LYST: variants seen among roughly 807,000 people sequenced by gnomAD.
LYST encodes lysosomal-trafficking regulator.
LYST carries 192 observed loss-of-function variants against 413.6 expected under a neutral mutation model. The ratio of observed to expected loss-of-function variants is 0.46; its 90% CI spans 0.41 to 0.52. The LOEUF is 0.52. LYST is among the 20% of genes least tolerant of loss of function. The pLI is 0.00. For synonymous variants in LYST, 1,525 were observed against 1,567.3 expected (o/e 0.97, Z 0.64); for missense variants, 3,815 against 4,499.9 (o/e 0.85, Z 4.35).
rs1253321617 is a variant in LYST at position 235,854,639 on chromosome 1, G to C, written c.-98+12204C>G. 6.6e-6 allele frequency among the ~76,000 whole-genome samples: 1 copy of C among 152,152 alleles called. No homozygotes were observed. The highest frequency in any genetic ancestry group is 2.4e-5 in the African/African-American group (1 of 41,430). On this transcript the variant is annotated intron_variant, in intron 1 of 52. Coordinates refer to ENST00000389793, the MANE Select transcript of LYST (RefSeq NM_000081.4). The surrounding 1 kb of genome is among the most constrained non-coding windows in gnomAD (Gnocchi z 4.1). ...AACTGAGTTCATAAGAGTAGCTGTA[G>C]TTGTTGCGAATATCAACATTAAACG...
upstream of LYST, among the ~76,000 whole-genome samples, chr1:235,871,428 A>T (rs1202991220): frequency 1.3e-5 from 2 of 152,238 alleles, no homozygotes; most frequent in Non-Finnish European, 2.9e-5. Context: ...AATGATGCTA[A>T]TAACTAATTA....
chr1:235,872,710 T>A (rs1369087315), intron 1 of LYST, among the ~76,000 whole-genome samples: 3 of 151,928 alleles, frequency 2.0e-5, no homozygotes, highest in South Asian at 2.1e-4. Flanking sequence ...AGTTCAGGAG[T>A]TCGAGACCAG....
upstream of LYST, among the ~76,000 whole-genome samples, chr1:235,870,850 T>A (rs1468163280): frequency 1.3e-5 from 2 of 152,208 alleles, no homozygotes; most frequent in African/African-American, 4.8e-5. Flanking sequence ...TTCAAATAAA[T>A]ATCCAAACAG....
At chr1:235,768,000 G>A (rs1426801217) in intron 20 of LYST, among the ~76,000 whole-genome samples, 1 of 151,892 alleles carries the variant, frequency 6.6e-6, no homozygotes, top group Non-Finnish European at 1.5e-5. Flanking sequence ...TCTTTCAATA[G>A]CCCCTTTTTC....
intron 48 of LYST, among the ~76,000 whole-genome samples, chr1:235,682,125 C>T (rs1659867697): frequency 6.6e-6 from 1 of 152,082 alleles, no homozygotes; most frequent in Non-Finnish European, 1.5e-5. Context: ...GCCTGAGCAA[C>T]ATAGTGGGAG....
intron 12 of LYST, among the ~76,000 whole-genome samples, chr1:235,791,280 C>T (rs1670959163): frequency 6.7e-6 from 1 of 148,718 alleles, no homozygotes; most frequent in African/African-American, 2.5e-5. Context: ...GAAACTGTCT[C>T]AAAAAAAAAG....
In LYST at chr1:235,882,078, T is replaced by TCACACACACACACACACACACACACA. The variant is rs71174466; in HGVS notation, n.454+1083_454+1108dup. Among the ~76,000 whole-genome samples the TCACACACACACACACACACACACACA allele has an allele frequency of 4.0e-3, 582 of 145,756 alleles. 7 individuals are homozygous for TCACACACACACACACACACACACACA. Among genetic ancestry groups the TCACACACACACACACACACACACACA allele is most frequent in the African/African-American group, 0.015 (564 of 38,890 alleles). On this transcript the variant is annotated intron_variant and non_coding_transcript_variant, in intron 1 of 11. Transcript: ENST00000465349. Reference sequence around the variant, plus strand: ...CACATACACACACACACTCTTTCTTTCACACACACACACACACACACACAC... The same window carrying TCACACACACACACACACACACACACA: ...CACATACACACACACACTCTTTCTTTCACACACACACACACACACACACACACACACACACACACACACACACACAC...
intron 16 of LYST, among the ~76,000 whole-genome samples, chr1:235,777,824 C>G (rs1010040578): frequency 3.3e-5 from 5 of 152,062 alleles, no homozygotes; most frequent in African/African-American, 1.2e-4. Context: ...AATAGAACTT[C>G]AAATATTTCT....
upstream of LYST, among the ~76,000 whole-genome samples, chr1:235,870,811 T>G (rs1408593695): frequency 1.3e-5 from 2 of 152,172 alleles, no homozygotes; most frequent in Non-Finnish European, 2.9e-5. Context: ...TTTGGATAAA[T>G]AGTTAAATTA....
intron 42 of LYST, 66 bp downstream of exon 42, chr1:235,715,135 G>T: frequency 1.6e-6 from 2 of 1,226,880 alleles, no homozygotes; most frequent in Admixed American, 1.7e-5. Context: ...GTCCTAAGTT[G>T]TTGTTGTTGT....
chr1:235,665,530 T>C (rs1408508035), intron 50 of LYST, among the ~76,000 whole-genome samples: 1 of 147,550 alleles, frequency 6.8e-6, no homozygotes, highest in African/African-American at 2.5e-5. Flanking sequence ...AAGAATCACT[T>C]GAACCCAGGA....
At chr1:235,866,964 G>A (rs1360389721), upstream of LYST, 1 of 136,586 alleles carries the variant, frequency 7.3e-6, no homozygotes, top group Non-Finnish European at 1.6e-5. Flanking sequence ...CCAGGAAACC[G>A]AGAACACCAC....
chr1:235,715,433 T>C, intron 41 of LYST, 76 bp from the exon 42 acceptor site: 1 of 1,411,788 alleles, frequency 7.1e-7, no homozygotes, highest in East Asian at 2.4e-5. Context: ...GGATGTTTTT[T>C]TTTCTCTCCT....
chr1:235,663,450 G>A (rs1658190046), intron 52 of LYST, among the ~76,000 whole-genome samples: 1 of 151,914 alleles, frequency 6.6e-6, no homozygotes. Flanking sequence ...AGATAAATAA[G>A]TATTTTATGG....
chr1:235,869,905 G>T (rs7555334), upstream of LYST, among the ~76,000 whole-genome samples: 9,556 of 151,986 alleles, frequency 0.063, 997 homozygotes, highest in African/African-American at 0.22. Context: ...CTGCTTTAAG[G>T]GCTTTGCACT....
At chr1:235,729,471 AGCCTATATGAT>A in intron 37 of LYST, 114 bp downstream of exon 37, 1 of 706,634 alleles carries the variant, frequency 1.4e-6, no homozygotes, top group South Asian at 1.5e-5. Context: ...AAGGCAAATT[AGCCTATATGAT>A]ACTACAGAAA....
intron 1 of LYST, among the ~76,000 whole-genome samples, chr1:235,858,632 C>T (rs1679489203): frequency 6.6e-6 from 1 of 152,164 alleles, no homozygotes. Flanking sequence ...CTTGGCTTGG[C>T]TTTGTTCCTT....
At position 235,773,825 on chromosome 1, in the gene LYST, A is replaced by G; in HGVS notation, c.5784+17T>C. The G allele has an allele frequency of 6.2e-7, 1 of 1,606,884 alleles. No homozygotes were observed. Among genetic ancestry groups the G allele is most frequent in the Non-Finnish European group, 8.5e-7 (1 of 1,173,942 alleles). ...TTTACCACAATAAAAAATGGAAAAA[A>G]AGTACATATTACATGCCTCTGCTTT... On this transcript the variant is annotated intron_variant, in intron 19 of 52. Coordinates refer to ENST00000389793, the MANE Select transcript of LYST (RefSeq NM_000081.4).
chr1:235,804,591 T>C lies in LYST; in HGVS notation c.3468A>G (p.Leu1156=). The C allele has an allele frequency of 6.2e-7, 1 of 1,611,538 alleles. No homozygotes were observed. The highest frequency in any genetic ancestry group is 8.5e-7 in the Non-Finnish European group (1 of 1,177,662). The change falls in exon 7 of 53, where the codon CTA becomes CTG. Residue 1156 remains leucine (L), a synonymous_variant. Coordinates refer to ENST00000389793, the MANE Select transcript of LYST (RefSeq NM_000081.4). Reference sequence around the variant, plus strand: ...GCAGGGCATCAAATAAAGGCTTTGCTAGTTGTGTTTCAATCACCTTTGACT... The same window carrying C: ...GCAGGGCATCAAATAAAGGCTTTGCCAGTTGTGTTTCAATCACCTTTGACT... ...LSQSKVIETQ[L]AKPLFDALLR... is the part of the protein sequence containing the mutation.
Sources: allele counts gnomAD v4.1 joint callset (sites outside exome capture counted in the v4.1 genomes callset), GRCh38; gene constraint gnomAD v4.1.1; non-coding constraint Gnocchi (gnomAD v3.1); transcripts MANE v1.5; gene names NCBI Gene and HGNC (gene_info 2026-07-23, HGNC 2026-07-21).